ESCO1: variants seen among roughly 807,000 people sequenced by gnomAD.
The protein encoded by ESCO1 is establishment of sister chromatid cohesion N-acetyltransferase 1.
ESCO1 carries 33 observed loss-of-function variants against 83.5 expected under a neutral mutation model. The ratio of observed to expected loss-of-function variants is 0.40; its 90% CI spans 0.30 to 0.53. ESCO1 has a LOEUF of 0.53. ESCO1 is among the 20% of genes least tolerant of loss of function. ESCO1 has a pLI of 0.63. For synonymous variants in ESCO1, 332 were observed against 324.3 expected (o/e 1.02, Z -0.25); for missense variants, 855 against 968.0 (o/e 0.88, Z 1.55).
chr18:21,547,674 A>G (rs1463909254), intron 8 of ESCO1, among the ~76,000 whole-genome samples: 4 of 152,202 alleles, frequency 2.6e-5, no homozygotes, highest in African/African-American at 9.6e-5. Context: ...AATTCTCAAA[A>G]AAACAGCTAT....
intron 8 of ESCO1, among the ~76,000 whole-genome samples, chr18:21,553,076 G>T (rs2038064564): frequency 6.6e-6 from 1 of 152,180 alleles, no homozygotes; most frequent in South Asian, 2.1e-4. Context: ...AACTGATTGA[G>T]CTCAGGAGTT....
chr18:21,545,802 G>A (rs1240771768), intron 8 of ESCO1, among the ~76,000 whole-genome samples: 5 of 151,280 alleles, frequency 3.3e-5, no homozygotes, highest in Non-Finnish European at 4.4e-5. Flanking sequence ...TGTGGCGCAC[G>A]CCTGTAATCC....
chr18:21,577,160 G>A lies in ESCO1; in HGVS notation c.-693-1383C>T, dbSNP rs182691817. ...ACTTGTGGCCAGGAGCTCAAGACTA[G>A]CCTGGCCAACATGGTGAAACCCTAT... On this transcript the variant is annotated intron_variant, in intron 2 of 11. Coordinates refer to ENST00000269214, the MANE Select transcript of ESCO1 (RefSeq NM_052911.3). Among the ~76,000 whole-genome samples the A allele has an allele frequency of 8.9e-4, 135 of 151,790 alleles. 1 individual carries two copies. The highest frequency in any genetic ancestry group is 1.6e-3 in the Non-Finnish European group (112 of 67,932).
intron 8 of ESCO1, among the ~76,000 whole-genome samples, chr18:21,548,049 C>G (rs1187658612): frequency 2.0e-5 from 3 of 152,122 alleles, no homozygotes; most frequent in Non-Finnish European, 4.4e-5. Flanking sequence ...TTGCAGTGAG[C>G]TGAGATGGCG....
At chr18:21,530,582 A>C in intron 11 of ESCO1, 92 bp from the exon 12 acceptor site, 1 of 1,275,088 alleles carries the variant, frequency 7.8e-7, no homozygotes, top group Non-Finnish European at 1.1e-6. Flanking sequence ...AACCTGTCAA[A>C]TACAATTTGA....
chr18:21,596,214 T>C (rs977713375), intron 1 of ESCO1, among the ~76,000 whole-genome samples: 4 of 143,708 alleles, frequency 2.8e-5, no homozygotes, highest in African/African-American at 9.9e-5. Flanking sequence ...CATAGTGAAA[T>C]CCCGTCTCTT....
intron 7 of ESCO1, among the ~76,000 whole-genome samples, chr18:21,563,759 ATGATT>A (rs1303094863): frequency 1.3e-5 from 2 of 152,138 alleles, no homozygotes; most frequent in Non-Finnish European, 1.5e-5. Context: ...TGATTTTGAT[ATGATT>A]TGATTTGTCT....
intron 5 of ESCO1, 128 bp from the exon 6 acceptor site, chr18:21,566,334 C>T: frequency 1.3e-6 from 1 of 798,242 alleles, no homozygotes; most frequent in Non-Finnish European, 2.0e-6. Context: ...TAATAAAGAC[C>T]ATCTGATAAA....
rs143305135 is a variant in ESCO1 at position 21,542,343 on chromosome 18, T to G, written c.1954-2334A>C. Reference sequence around the variant, plus strand: ...CTGGGACTACAGGCGTGCACCACCATGCCAAGCTAAGAAAGCATATTTCAG... The same window carrying G: ...CTGGGACTACAGGCGTGCACCACCAGGCCAAGCTAAGAAAGCATATTTCAG... On this transcript the variant is annotated intron_variant, in intron 8 of 11. Transcript: ENST00000269214. Among the ~76,000 whole-genome samples, 1,308 of 152,232 alleles carry G rather than the reference T, an allele frequency of 8.6e-3. 5 individuals are homozygous for G. Among genetic ancestry groups the G allele is most frequent in the South Asian group, 0.014 (66 of 4,820 alleles).
intron 1 of ESCO1, among the ~76,000 whole-genome samples, chr18:21,596,542 G>C (rs1444931639): frequency 6.6e-6 from 1 of 151,924 alleles, no homozygotes; most frequent in African/African-American, 2.4e-5. Flanking sequence ...TGAAAAGATA[G>C]AAAATATTGG....
chr18:21,585,831 C>G (rs960948835), intron 1 of ESCO1, among the ~76,000 whole-genome samples: 1 of 152,020 alleles, frequency 6.6e-6, no homozygotes, highest in Non-Finnish European at 1.5e-5. Context: ...GGGCTCAAGC[C>G]ATTCTCCCAC....
intron 1 of ESCO1, among the ~76,000 whole-genome samples, chr18:21,590,536 T>C (rs553116939): frequency 7.9e-5 from 12 of 152,302 alleles, no homozygotes; most frequent in African/African-American, 2.9e-4. Context: ...CCTTTTTCTA[T>C]GAAAAGCAGC....
At chr18:21,571,018 T>C (rs866991531) in intron 4 of ESCO1, among the ~76,000 whole-genome samples, 2 of 152,008 alleles carry the variant, frequency 1.3e-5, no homozygotes, top group Non-Finnish European at 2.9e-5. Context: ...ACACCTGTAA[T>C]GTACCTTTTG....
chr18:21,592,624 C>T (rs1349620469), intron 1 of ESCO1, among the ~76,000 whole-genome samples: 3 of 149,716 alleles, frequency 2.0e-5, no homozygotes, highest in Admixed American at 6.6e-5. Context: ...ACCTCCCTCC[C>T]GGACGGGGCG....
chr18:21,531,000 A>G (rs975355465), intron 11 of ESCO1, among the ~76,000 whole-genome samples: 8 of 152,198 alleles, frequency 5.3e-5, no homozygotes, highest in African/African-American at 1.9e-4. Flanking sequence ...AAATTCACAA[A>G]AACAAACAAA....
intron 8 of ESCO1, among the ~76,000 whole-genome samples, chr18:21,541,014 G>A (rs562957977): frequency 8.9e-4 from 135 of 152,012 alleles, no homozygotes; most frequent in Admixed American, 2.0e-3. Flanking sequence ...AAGCAGATTC[G>A]TTTTCTTAAA....
chr18:21,563,970 T>C (rs955012874), intron 7 of ESCO1, among the ~76,000 whole-genome samples: 2 of 151,116 alleles, frequency 1.3e-5, no homozygotes, highest in African/African-American at 2.4e-5. Flanking sequence ...TCTTGCTTCC[T>C]CCCTTACCAC....
intron 1 of ESCO1, among the ~76,000 whole-genome samples, chr18:21,587,256 C>G (rs1051646999): frequency 6.6e-6 from 1 of 152,150 alleles, no homozygotes; most frequent in African/African-American, 2.4e-5. Context: ...CTTTTTAGTA[C>G]TAAGGCAATA....
At chr18:21,579,446 A>G (rs545122781) in intron 2 of ESCO1, among the ~76,000 whole-genome samples, 3 of 151,850 alleles carry the variant, frequency 2.0e-5, no homozygotes, top group South Asian at 2.1e-4. Context: ...TGAGTGACAA[A>G]GCAAGACCCC....
Sources: allele counts gnomAD v4.1 joint callset (sites outside exome capture counted in the v4.1 genomes callset), GRCh38; gene constraint gnomAD v4.1.1; transcripts MANE v1.5; gene names NCBI Gene and HGNC (gene_info 2026-07-23, HGNC 2026-07-21).